The following TLL2 variants were observed in gnomAD, a reference collection of about 807,000 sequenced individuals.
The protein encoded by TLL2 is tolloid-like protein 2.
TLL2 carries 106 observed loss-of-function variants against 123.0 expected under a neutral mutation model. The ratio of observed to expected loss-of-function variants is 0.86; its 90% CI spans 0.74 to 1.01. The LOEUF (loss-of-function observed/expected upper bound fraction) is 1.01, where lower values mean the gene tolerates loss of function less well. Ranked by LOEUF, TLL2 falls within the 50% of genes least tolerant of loss-of-function variation. The pLI is 0.00. For missense variants in TLL2, 1,332 were observed against 1,336.7 expected (o/e 1.00, Z 0.06); for synonymous variants, 494 against 516.8 (o/e 0.96, Z 0.60).
intron 9 of TLL2, among the ~76,000 whole-genome samples, chr10:96,407,258 C>T (rs1326417641): frequency 6.6e-6 from 1 of 152,094 alleles, no homozygotes; most frequent in Non-Finnish European, 1.5e-5. Flanking sequence ...CCTTCCCAGG[C>T]CTGCTCAAGT....
chr10:96,509,293 G>A (rs982251238), intron 1 of TLL2, among the ~76,000 whole-genome samples: 6 of 152,270 alleles, frequency 3.9e-5, no homozygotes, highest in South Asian at 4.1e-4. Context: ...ACAGAATCAT[G>A]AACATAATAA....
chr10:96,421,097 C>G (rs751758774), intron 6 of TLL2, 36 bp from the exon 7 acceptor site: 1 of 1,551,026 alleles, frequency 6.4e-7, no homozygotes, highest in African/African-American at 1.4e-5. Context: ...CTTTGAAAAC[C>G]AAGTCAGGCA....
intron 8 of TLL2, among the ~76,000 whole-genome samples, chr10:96,411,943 T>A (rs1410218481): frequency 6.6e-6 from 1 of 152,190 alleles, no homozygotes; most frequent in Non-Finnish European, 1.5e-5. Flanking sequence ...AAGGGTTCCA[T>A]GGAAATTATT....
At chr10:96,486,568 G>T (rs949046859) in intron 1 of TLL2, among the ~76,000 whole-genome samples, 1 of 152,066 alleles carries the variant, frequency 6.6e-6, no homozygotes, top group South Asian at 2.1e-4. Flanking sequence ...ACACTCGGGG[G>T]TTTTGTACAC....
At chr10:96,455,323 CCTGGGACAGTGGAG>C (rs1249899642) in intron 2 of TLL2, among the ~76,000 whole-genome samples, 1 of 151,910 alleles carries the variant, frequency 6.6e-6, no homozygotes, top group Non-Finnish European at 1.5e-5. Context: ...TCCTGTTATC[CCTGGGACAGTGGAG>C]CTGATTGGCC....
intron 2 of TLL2, among the ~76,000 whole-genome samples, chr10:96,476,240 A>ATATATATATATTTTTTTTTTTTTTTTT: frequency 1.5e-4 from 3 of 20,484 alleles, no homozygotes; most frequent in Non-Finnish European, 3.0e-4. Context: ...ATATATATAT[A>ATATATATATATTTTTTTTTTTTTTTTT]TTTTATTTTT....
intron 1 of TLL2, among the ~76,000 whole-genome samples, chr10:96,502,391 G>GT (rs1172809934): frequency 1.3e-5 from 2 of 152,244 alleles, no homozygotes; most frequent in Admixed American, 6.5e-5. Flanking sequence ...GGAGGCAAGA[G>GT]TAGCGTCAAG....
At chr10:96,491,882 G>A (rs549986634) in intron 1 of TLL2, among the ~76,000 whole-genome samples, 2 of 152,230 alleles carry the variant, frequency 1.3e-5, no homozygotes, top group East Asian at 1.9e-4. Flanking sequence ...AGCCAGCTCC[G>A]GGCCACTGCA....
chr10:96,384,940 C>T (rs766194159), intron 15 of TLL2, among the ~76,000 whole-genome samples, 173 bp from the exon 16 acceptor site: 5 of 152,218 alleles, frequency 3.3e-5, no homozygotes, highest in Admixed American at 3.3e-4. Flanking sequence ...CACAGGGGGA[C>T]CCCTGGCTCT....
Position 96,377,373 on chromosome 10 carries a change from C to T in TLL2, c.2321-554G>A, listed in dbSNP as rs759233694. On this transcript the variant is annotated intron_variant, in intron 17 of 20. Coordinates refer to ENST00000357947, the MANE Select transcript of TLL2 (RefSeq NM_012465.4). ...CAAAGTGGCTTTATTTGGAGTCTAC[C>T]AAGTTTGTCCTGGTTACAGTGCTAT... Among the ~76,000 whole-genome samples the T allele has an allele frequency of 1.4e-3, 206 of 152,316 alleles. 1 individual carries two copies. Among genetic ancestry groups the T allele is most frequent in the Non-Finnish European group, 1.8e-3 (121 of 68,028 alleles).
Position 96,395,278 on chromosome 10 carries a change from C to T in TLL2, c.1635G>A (p.Glu545=), listed in dbSNP as rs1302075401. ...IGHFCGYEKP[E]DVKSSSNRLW... ...GTCTGTTGGAGCTCGATTTCACATC[C>T]TCCGGCTTCTCATAGCCACAAAAGT... is the stretch of plus-strand genomic sequence containing the variant. Residue 545 remains glutamate (E), a synonymous_variant, in exon 13 of 21, where the codon GAG becomes GAA. Transcript: ENST00000357947. 3.7e-6 allele frequency: 6 copies of T among 1,614,038 alleles called. No homozygotes were observed. The highest frequency in any genetic ancestry group is 5.1e-6 in the Non-Finnish European group (6 of 1,180,020).
intron 2 of TLL2, among the ~76,000 whole-genome samples, chr10:96,450,241 C>G (rs1182153184): frequency 1.3e-5 from 2 of 152,052 alleles, no homozygotes; most frequent in South Asian, 4.2e-4. Flanking sequence ...AAAGAGAAAT[C>G]AATCATTTCT....
intron 16 of TLL2, among the ~76,000 whole-genome samples, chr10:96,383,821 CG>C (rs142571846): frequency 0.042 from 6,140 of 144,986 alleles, 168 homozygotes; most frequent in Middle Eastern, 0.077. Flanking sequence ...TTAGTAGAGA[CG>C]GCGTTTCACC....
rs75832487 is a variant in TLL2, at chr10:96,486,192, C to G, written c.176-5733G>C. On this transcript the variant is annotated intron_variant, in intron 1 of 20. Coordinates refer to ENST00000357947, the MANE Select transcript of TLL2 (RefSeq NM_012465.4). Reference sequence around the variant, plus strand: ...AGAAAATAATAAGTATTTTATAAGACGAGGATTGACTATACGTGGAATAAA... The same window carrying G: ...AGAAAATAATAAGTATTTTATAAGAGGAGGATTGACTATACGTGGAATAAA... Among the ~76,000 whole-genome samples the G allele has an allele frequency of 1.4e-3, 209 of 152,172 alleles. 1 individual carries two copies. Among genetic ancestry groups the G allele is most frequent in the African/African-American group, 4.2e-3 (175 of 41,492 alleles).
chr10:96,409,812 T>C (rs1268799161), intron 9 of TLL2, among the ~76,000 whole-genome samples: 1 of 152,172 alleles, frequency 6.6e-6, no homozygotes, highest in African/African-American at 2.4e-5. Flanking sequence ...TGCCAGGACA[T>C]GCAAGGGCCT....
Position 96,367,160 on chromosome 10 carries a change from G to A in TLL2, c.*928C>T, listed in dbSNP as rs990831916. ...AGGGACCTGAATTGGTCCCTCATAA[G>A]AGGTCTTTGCACATTTTGCAAATGC... On this transcript the variant is annotated 3_prime_UTR_variant, in exon 21 of 21. Coordinates refer to ENST00000357947, the MANE Select transcript of TLL2 (RefSeq NM_012465.4). 3.9e-5 allele frequency: 6 copies of A among 152,236 alleles called. No individual in the cohort carries two copies. Among genetic ancestry groups the A allele is most frequent in the African/African-American group, 1.4e-4 (6 of 41,458 alleles). The allele number at this position is 152,236 out of a possible 1,614,324, so 9.4% of individuals were successfully genotyped here.
intron 1 of TLL2, among the ~76,000 whole-genome samples, chr10:96,508,652 A>G (rs1366836974): frequency 6.6e-6 from 1 of 151,988 alleles, no homozygotes; most frequent in East Asian, 1.9e-4. Flanking sequence ...CCTCATGTAG[A>G]CAATTTTTGA....
intron 8 of TLL2, among the ~76,000 whole-genome samples, chr10:96,411,865 G>T (rs1205104220): frequency 1.3e-5 from 2 of 152,130 alleles, no homozygotes; most frequent in Non-Finnish European, 2.9e-5. Context: ...GGATGTCGGG[G>T]CTTCAATATC....
chr10:96,422,787 AG>A, intron 5 of TLL2, 60 bp from the exon 6 acceptor site: 5 of 1,592,044 alleles, frequency 3.1e-6, no homozygotes, highest in Non-Finnish European at 3.4e-6. Context: ...GCAAGAGGCA[AG>A]TCCCCCCTCC....
Sources: allele counts gnomAD v4.1 joint callset (sites outside exome capture counted in the v4.1 genomes callset), GRCh38; gene constraint gnomAD v4.1.1; transcripts MANE v1.5; gene names NCBI Gene and HGNC (gene_info 2026-07-23, HGNC 2026-07-21).